Variants in EFR3A observed in about 807,000 individuals in gnomAD.
EFR3A encodes the protein protein EFR3 homolog A.
A neutral mutation model predicts 104.4 loss-of-function variants in EFR3A; 76 were observed. The ratio of observed to expected loss-of-function variants is 0.73; its 90% CI spans 0.60 to 0.88. The LOEUF (loss-of-function observed/expected upper bound fraction) is 0.88. EFR3A is among the 40% of genes least tolerant of loss of function. The pLI is 0.00. For synonymous variants in EFR3A, 330 were observed against 330.0 expected, an observed-to-expected ratio of 1.00 and a Z score of 0.00; for missense variants, 985 against 1,012.5, an observed-to-expected ratio of 0.97 and a Z score of 0.37.
chr8:132,001,902 A>G lies in EFR3A; in HGVS notation c.2206+95A>G. 3 of 1,036,412 alleles carry G rather than the reference A, an allele frequency of 2.9e-6. 1 individual carries two copies. The Admixed American group carries it at 6.1e-5, about 21-fold the overall frequency. 64.2% of individuals were successfully genotyped at this position (1,036,412 alleles called of 1,614,324 possible). The stretch of plus-strand genomic sequence containing the variant: ...CAGAATACGTAGAGGGGACATTACA[A>G]AAATAAACCAAAGAAACTTGTTGGC... On this transcript the variant is annotated intron_variant, in intron 20 of 22. Transcript: ENST00000254624.
chr8:131,979,222 A>G (rs893181613), intron 13 of EFR3A, 124 bp from the exon 14 acceptor site: 11 of 949,572 alleles, frequency 1.2e-5, no homozygotes, highest in Non-Finnish European at 1.7e-5. Flanking sequence ...TTCAGAAGCA[A>G]TTCAGTAGTA....
chr8:131,971,936 T>G (rs1323703889), intron 10 of EFR3A, among the ~76,000 whole-genome samples: 3 of 152,210 alleles, frequency 2.0e-5, no homozygotes, highest in Non-Finnish European at 2.9e-5. Flanking sequence ...TCATCCAGAC[T>G]TAAGGTTAGA....
At chr8:131,913,092 G>A (rs896994820) in intron 1 of EFR3A, among the ~76,000 whole-genome samples, 1 of 151,120 alleles carries the variant, frequency 6.6e-6, no homozygotes, top group East Asian at 1.9e-4. Flanking sequence ...CATGATGTGG[G>A]GGTTCAGTTT....
At chr8:131,945,718 A>G (rs1347630913) in intron 3 of EFR3A, among the ~76,000 whole-genome samples, 1 of 152,082 alleles carries the variant, frequency 6.6e-6, no homozygotes, top group African/African-American at 2.4e-5. Context: ...CAGAATGTGT[A>G]AAGATCAAGT....
At chr8:131,975,410 C>CTTTTTTTT (rs760100564) in intron 10 of EFR3A, among the ~76,000 whole-genome samples, 1 of 102,184 alleles carries the variant, frequency 9.8e-6, no homozygotes. Flanking sequence ...TTTTTTTTTC[C>CTTTTTTTT]TATTTTTTTT....
chr8:131,930,910 A>G (rs904283455), intron 1 of EFR3A, among the ~76,000 whole-genome samples: 10 of 152,306 alleles, frequency 6.6e-5, no homozygotes, highest in African/African-American at 2.4e-4. Flanking sequence ...AGCCTATATT[A>G]TAACTTATCT....
intron 19 of EFR3A, 39 bp from the exon 20 acceptor site, chr8:132,001,720 C>T: frequency 6.4e-7 from 1 of 1,567,846 alleles, no homozygotes; most frequent in South Asian, 1.1e-5. Context: ...TTATATTGAC[C>T]CTTTTTAACT....
intron 1 of EFR3A, among the ~76,000 whole-genome samples, chr8:131,919,929 T>G (rs572896912): frequency 1.3e-4 from 19 of 151,978 alleles, no homozygotes; most frequent in African/African-American, 4.6e-4. Flanking sequence ...AGTATCAGAT[T>G]ACTGTAGTGA....
At chr8:131,984,785 C>A in intron 15 of EFR3A, 144 bp from the exon 16 acceptor site, 1 of 752,774 alleles carries the variant, frequency 1.3e-6, no homozygotes, top group Non-Finnish European at 2.1e-6. Flanking sequence ...GTTTTCCTTT[C>A]AGAATTGTTT....
At chr8:131,921,371 C>G (rs1047727994) in intron 1 of EFR3A, among the ~76,000 whole-genome samples, 4 of 152,060 alleles carry the variant, frequency 2.6e-5, no homozygotes, top group Admixed American at 6.6e-5. Flanking sequence ...TGGATTAGGA[C>G]CTACCCCAAT....
At chr8:131,993,756 A>T (rs1821331425) in intron 18 of EFR3A, among the ~76,000 whole-genome samples, 1 of 152,026 alleles carries the variant, frequency 6.6e-6, no homozygotes, top group Non-Finnish European at 1.5e-5. Context: ...CAAAAAATTT[A>T]GCCAGTTGAT....
intron 1 of EFR3A, among the ~76,000 whole-genome samples, chr8:131,919,593 C>G (rs936012237): frequency 8.5e-6 from 1 of 117,734 alleles, no homozygotes; most frequent in Admixed American, 9.5e-5. Flanking sequence ...AAGACTCCGT[C>G]TCAAAAAAAA....
At chr8:131,911,260 T>C (rs2130383153) in intron 1 of EFR3A, among the ~76,000 whole-genome samples, 1 of 152,324 alleles carries the variant, frequency 6.6e-6, no homozygotes, top group Middle Eastern at 3.4e-3. Context: ...TTCTTCTGCT[T>C]TTTTGTCTGT....
chr8:131,948,475 T>C (rs1237484893), intron 4 of EFR3A, among the ~76,000 whole-genome samples: 1 of 152,164 alleles, frequency 6.6e-6, no homozygotes, highest in Non-Finnish European at 1.5e-5. Context: ...ATGATTTTTA[T>C]CACTTACTTC....
intron 7 of EFR3A, among the ~76,000 whole-genome samples, chr8:131,957,350 CTT>C (rs1185442281): frequency 1.1e-4 from 14 of 125,896 alleles, no homozygotes; most frequent in Admixed American, 1.6e-4. Flanking sequence ...GGGCCAGGGT[CTT>C]TTTTTTTTTT....
intron 19 of EFR3A, among the ~76,000 whole-genome samples, chr8:131,997,753 T>A (rs916728542): frequency 1.3e-5 from 2 of 152,046 alleles, no homozygotes; most frequent in African/African-American, 4.8e-5. Flanking sequence ...AGTCTTAGAT[T>A]ATAAACTTAA....
intron 1 of EFR3A, among the ~76,000 whole-genome samples, chr8:131,937,249 C>T (rs1817943372): frequency 6.6e-6 from 1 of 152,044 alleles, no homozygotes; most frequent in African/African-American, 2.4e-5. Flanking sequence ...AAAAAAAGAG[C>T]TTATTAAGTG....
Position 131,970,581 on chromosome 8 carries a change from TAA to T in EFR3A, c.1099_1100del (p.Asn367TyrfsTer7). The T allele has an allele frequency of 6.2e-7, 1 of 1,613,816 alleles. No homozygotes were observed. The highest frequency in any genetic ancestry group is 1.1e-5 in the South Asian group (1 of 91,076). On this transcript the variant is annotated frameshift_variant, in exon 10 of 23. Transcript: ENST00000254624. LOFTEE classifies it high-confidence loss of function. ...GGGGGATCTGTAGGCAGTGTCAACTTAAATACAAGTTCCAAAGACAATGATGA... is the reference window on the plus strand; with the variant it reads ...GGGGGATCTGTAGGCAGTGTCAACTTATACAAGTTCCAAAGACAATGATGA...
chr8:131,965,115 A>G (rs564108838), intron 8 of EFR3A, among the ~76,000 whole-genome samples: 1 of 152,332 alleles, frequency 6.6e-6, no homozygotes, highest in East Asian at 1.9e-4. Context: ...TAAAAACCCT[A>G]GAAGAAAACC....
Sources: allele counts gnomAD v4.1 joint callset (sites outside exome capture counted in the v4.1 genomes callset), GRCh38; gene constraint gnomAD v4.1.1; transcripts MANE v1.5; gene names NCBI Gene and HGNC (gene_info 2026-07-23, HGNC 2026-07-21).